Variants in NRBF2 observed in about 807,000 individuals in gnomAD.
NRBF2 encodes nuclear receptor binding factor 2.
A neutral mutation model predicts 28.5 loss-of-function variants in NRBF2; 12 were observed. The ratio of observed to expected loss-of-function variants is 0.42; its 90% CI spans 0.27 to 0.68. NRBF2 has a LOEUF of 0.68. Among genes scored for constraint, NRBF2 ranks in the 30% least tolerant of loss-of-function variants. The pLI is 0.24. For synonymous variants in NRBF2, 102 were observed against 116.5 expected (o/e 0.88, Z 0.80); for missense variants, 274 against 333.5 (o/e 0.82, Z 1.39).
In NRBF2 at chr10:63,148,277, A is replaced by G. The variant is rs181679465; in HGVS notation, c.115+1984A>G. Among the ~76,000 whole-genome samples the G allele has an allele frequency of 1.1e-4, 16 of 152,348 alleles. No individual in the cohort carries two copies. In the East Asian group the frequency reaches 2.9e-3, roughly 28 times the overall value. The stretch of plus-strand genomic sequence containing the variant: ...GCAAACTGTTAGATCACATTAGCTT[A>G]AATTATAGAGACAGAACTTAATGTG... On this transcript the variant is annotated intron_variant, in intron 2 of 3. Coordinates refer to ENST00000277746, the MANE Select transcript of NRBF2 (RefSeq NM_030759.5).
intron 3 of NRBF2, 43 bp from the exon 4 acceptor site, chr10:63,153,467 AC>A (rs1564532354): frequency 2.8e-6 from 4 of 1,420,800 alleles, no homozygotes; most frequent in Non-Finnish European, 3.9e-6. Flanking sequence ...TTACTAAGAT[AC>A]TTAAAATATT....
At chr10:63,141,366 A>G (rs1297694378) in intron 1 of NRBF2, among the ~76,000 whole-genome samples, 1 of 152,112 alleles carries the variant, frequency 6.6e-6, no homozygotes, top group Admixed American at 6.5e-5. Context: ...AGCCCAGGAT[A>G]TTGAGGCTGC....
chr10:63,134,594 C>T (rs1841346456), intron 1 of NRBF2, among the ~76,000 whole-genome samples: 1 of 152,172 alleles, frequency 6.6e-6, no homozygotes, highest in Non-Finnish European at 1.5e-5. Flanking sequence ...TGGCTTCACT[C>T]GGCTTCAGGT....
chr10:63,147,673 G>GGT lies in NRBF2; in HGVS notation c.115+1381_115+1382dup, dbSNP rs1841584801. On this transcript the variant is annotated intron_variant, in intron 2 of 3. Coordinates refer to ENST00000277746, the MANE Select transcript of NRBF2 (RefSeq NM_030759.5). The stretch of plus-strand genomic sequence containing the variant: ...GTAGAATGTGCATGTTTGTTACATA[G>GGT]GTATACACGTGCCATGGTGGTTTGC... 2.0e-5 allele frequency among the ~76,000 whole-genome samples: 3 copies of GGT among 149,072 alleles called. No individual in the cohort carries two copies. In the South Asian group the frequency reaches 6.3e-4, roughly 32 times the overall value.
chr10:63,144,029 A>G (rs995002461), intron 1 of NRBF2, among the ~76,000 whole-genome samples: 1 of 152,098 alleles, frequency 6.6e-6, no homozygotes, highest in Non-Finnish European at 1.5e-5. Context: ...AAGTGCTGGG[A>G]TTATAGGCAT....
At chr10:63,136,477 C>G (rs912369856) in intron 1 of NRBF2, among the ~76,000 whole-genome samples, 1 of 152,142 alleles carries the variant, frequency 6.6e-6, no homozygotes, top group Non-Finnish European at 1.5e-5. Context: ...CAAATGACGT[C>G]GTAGTGTAGT....
At chr10:63,153,124 T>C (rs1841675388) in intron 3 of NRBF2, among the ~76,000 whole-genome samples, 2 of 152,194 alleles carry the variant, frequency 1.3e-5, no homozygotes, top group South Asian at 4.1e-4. Context: ...AAGGGAACTT[T>C]AAAGTTGTGT....
At position 63,154,470 on chromosome 10, in the gene NRBF2, T is replaced by C. The variant is rs1308222661; in HGVS notation, c.*252T>C. 3.1e-6 allele frequency: 1 copy of C among 324,640 alleles called. No homozygotes were observed. The highest frequency in any genetic ancestry group is 2.1e-5 in the African/African-American group (1 of 46,818). 20.1% of individuals were successfully genotyped at this position (324,640 alleles called of 1,614,324 possible). ...AAACTCATGGAGGTTCGGTTTCTCC[T>C]GATACAAACCAAATGGCTACCTGGA... On this transcript the variant is annotated 3_prime_UTR_variant, in exon 4 of 4. Transcript: ENST00000277746.
rs142951741 is a variant in NRBF2 at position 63,140,454 on chromosome 10, G to C, written c.31-5755G>C. Among the ~76,000 whole-genome samples the C allele has an allele frequency of 3.7e-4, 56 of 152,180 alleles. 1 individual carries two copies. Among genetic ancestry groups the C allele is most frequent in the African/African-American group, 1.2e-3 (49 of 41,524 alleles). On this transcript the variant is annotated intron_variant, in intron 1 of 3. Coordinates refer to ENST00000277746, the MANE Select transcript of NRBF2 (RefSeq NM_030759.5). The stretch of plus-strand genomic sequence containing the variant: ...TCTTTTTGAGACAGTATCTTCCTCT[G>C]TCCCACAGACTAGAGTGCAGTGGCG...
In NRBF2 at chr10:63,154,404, A is replaced by T; in HGVS notation, c.*186A>T. The T allele has an allele frequency of 2.0e-6, 1 of 508,598 alleles. No individual in the cohort carries two copies. The allele number at this position is 508,598 out of a possible 1,614,324, so 31.5% of individuals were successfully genotyped here. The stretch of plus-strand genomic sequence containing the variant: ...CACTGTGAAATGCGCTGCGTATCTC[A>T]TTCACTCACTTCAGCTAATGATTCC... On this transcript the variant is annotated 3_prime_UTR_variant, in exon 4 of 4. Transcript: ENST00000277746.
Position 63,153,616 on chromosome 10 carries a change from C to G in NRBF2, c.262C>G (p.Gln88Glu). The G allele has an allele frequency of 6.2e-7, 1 of 1,611,920 alleles. No individual in the cohort carries two copies. ...GCGTGAAGAAAGATTGAAAGCCCAGCAGAACACAGACAAGGATGCAGCTGC... is the reference window on the plus strand; with the variant it reads ...GCGTGAAGAAAGATTGAAAGCCCAGGAGAACACAGACAAGGATGCAGCTGC... ...AQREERLKAQ[Q>E]NTDKDAAAHL... is the part of the protein sequence containing the mutation. Residue 88 changes from glutamine to glutamate, a missense_variant, in exon 4 of 4, where the codon CAG becomes GAG. Coordinates refer to ENST00000277746, the MANE Select transcript of NRBF2 (RefSeq NM_030759.5).
intron 1 of NRBF2, among the ~76,000 whole-genome samples, chr10:63,136,164 G>A (rs1841374937): frequency 7.3e-6 from 1 of 136,676 alleles, no homozygotes; most frequent in African/African-American, 2.8e-5. Context: ...ACGGAGTCTC[G>A]CTTTGTCACC....
intron 1 of NRBF2, among the ~76,000 whole-genome samples, chr10:63,144,897 C>G (rs536007718): frequency 3.3e-5 from 5 of 151,998 alleles, no homozygotes; most frequent in Non-Finnish European, 7.4e-5. Flanking sequence ...TTTGCTAAAT[C>G]GTGTGTGTTT....
chr10:63,138,483 CAAA>C (rs35901425), intron 1 of NRBF2, among the ~76,000 whole-genome samples: 14 of 111,410 alleles, frequency 1.3e-4, no homozygotes, highest in Admixed American at 1.9e-4. Flanking sequence ...GACCTTGTCG[CAAA>C]AAAAAAAAAA....
chr10:63,148,778 CTG>C (rs982301089), intron 2 of NRBF2, among the ~76,000 whole-genome samples: 3 of 152,164 alleles, frequency 2.0e-5, no homozygotes, highest in African/African-American at 7.2e-5. Context: ...TTAAATGAAA[CTG>C]AGCATGTGAG....
chr10:63,133,584 C>T, intron 1 of NRBF2, 84 bp downstream of exon 1: 1 of 1,064,976 alleles, frequency 9.4e-7, no homozygotes, highest in Non-Finnish European at 1.4e-6. Flanking sequence ...TCGGCTAACC[C>T]TTTAGGCTGG....
At chr10:63,144,236 CT>C (rs1343525871) in intron 1 of NRBF2, among the ~76,000 whole-genome samples, 1 of 152,140 alleles carries the variant, frequency 6.6e-6, no homozygotes, top group Non-Finnish European at 1.5e-5. Flanking sequence ...CCATTTCCCC[CT>C]CCCCTGTTCA....
intron 2 of NRBF2, among the ~76,000 whole-genome samples, chr10:63,150,002 C>T (rs893926818): frequency 1.3e-5 from 2 of 149,388 alleles, no homozygotes; most frequent in East Asian, 2.0e-4. Flanking sequence ...AGTGCAGTGG[C>T]GTGATCTCGG....
intron 1 of NRBF2, among the ~76,000 whole-genome samples, chr10:63,141,457 T>G (rs1841465669): frequency 6.6e-6 from 1 of 152,142 alleles, no homozygotes; most frequent in Non-Finnish European, 1.5e-5. Flanking sequence ...AGATGAAAAT[T>G]TTTTTAAAAT....
Sources: gnomAD v4.1 joint callset for allele counts (sites outside exome capture counted in the v4.1 genomes callset) on GRCh38, gnomAD v4.1.1 for gene constraint, MANE v1.5 for transcripts, NCBI Gene and HGNC (gene_info 2026-07-23, HGNC 2026-07-21) for gene names.